Variants in THADA observed in about 807,000 individuals in gnomAD.
The protein encoded by THADA is THADA armadillo repeat containing, also known as tRNA (32-2'-O)-methyltransferase regulator THADA.
A neutral mutation model predicts 219.8 loss-of-function variants in THADA; 213 were observed. The ratio of observed to expected loss-of-function variants is 0.97; its 90% CI spans 0.87 to 1.09. The LOEUF (loss-of-function observed/expected upper bound fraction) is 1.09, where lower values mean the gene tolerates loss of function less well. THADA is among the 50% of genes least tolerant of loss of function. THADA has a pLI of 0.00. For synonymous variants in THADA, 1,018 were observed against 828.9 expected, an observed-to-expected ratio of 1.23 and a Z score of -3.92; for missense variants, 2,956 against 2,311.3, an observed-to-expected ratio of 1.28 and a Z score of -5.72.
At chr2:43,475,331 A>G (rs1325813424) in intron 26 of THADA, among the ~76,000 whole-genome samples, 1 of 144,936 alleles carries the variant, frequency 6.9e-6, no homozygotes, top group Non-Finnish European at 1.5e-5. Context: ...CGGCGGGAGG[A>G]TGGCTTGAGC....
chr2:43,543,105 A>G (rs1288542026), intron 20 of THADA, among the ~76,000 whole-genome samples: 2 of 145,492 alleles, frequency 1.4e-5, no homozygotes, highest in Non-Finnish European at 3.0e-5. Context: ...ATTCCCACCT[A>G]TGAGTGAGAA....
intron 36 of THADA, among the ~76,000 whole-genome samples, chr2:43,265,369 C>G (rs935787409): frequency 6.6e-6 from 1 of 152,182 alleles, no homozygotes; most frequent in Non-Finnish European, 1.5e-5. Context: ...CAATCAGAGC[C>G]TCAATCACTC....
At chr2:43,274,118 T>C (rs1014484512) in intron 36 of THADA, among the ~76,000 whole-genome samples, 17 of 152,194 alleles carry the variant, frequency 1.1e-4, no homozygotes, top group Admixed American at 2.6e-4. Context: ...GGAGGCTCCT[T>C]TGGTGTCTCC....
At chr2:43,423,590 G>A (rs1419296369) in intron 28 of THADA, among the ~76,000 whole-genome samples, 1 of 151,974 alleles carries the variant, frequency 6.6e-6, no homozygotes, top group Non-Finnish European at 1.5e-5. Flanking sequence ...CTGCCACTAT[G>A]CCCGGCTAAT....
At chr2:43,471,860 T>C (rs1684944515) in intron 26 of THADA, among the ~76,000 whole-genome samples, 2 of 152,202 alleles carry the variant, frequency 1.3e-5, no homozygotes, top group South Asian at 4.1e-4. Flanking sequence ...CAGCACACTG[T>C]ATGCTCCCTA....
intron 14 of THADA, among the ~76,000 whole-genome samples, chr2:43,568,029 G>A (rs1445433620): frequency 1.3e-5 from 2 of 151,992 alleles, no homozygotes; most frequent in Non-Finnish European, 2.9e-5. Context: ...ACTACTGGGG[G>A]TGGGGGGGAG....
chr2:43,511,558 C>G (rs1431067060), intron 22 of THADA, among the ~76,000 whole-genome samples: 2 of 152,188 alleles, frequency 1.3e-5, no homozygotes, highest in Non-Finnish European at 2.9e-5. Flanking sequence ...ACCCAACCCT[C>G]CTACTTAAAT....
chr2:43,565,550 T>C, intron 15 of THADA: 1 of 152,206 alleles, frequency 6.6e-6, no homozygotes, highest in East Asian at 1.9e-4. Flanking sequence ...AAAAACTGAT[T>C]TTCCCCAAAT....
intron 30 of THADA, among the ~76,000 whole-genome samples, chr2:43,333,511 C>A (rs1326522529): frequency 6.6e-6 from 1 of 150,392 alleles, no homozygotes; most frequent in Admixed American, 6.6e-5. Context: ...AAAGGAGGAT[C>A]CTTTTTTTTG....
At chr2:43,447,182 C>T (rs372007907) in intron 26 of THADA, among the ~76,000 whole-genome samples, 1 of 152,038 alleles carries the variant, frequency 6.6e-6, no homozygotes, top group Admixed American at 6.5e-5. Context: ...AAAACCATCA[C>T]CCCCCATGAT....
At chr2:43,534,703 TACCCATTCATCTGTTGTTGGAC>T (rs1372721930) in intron 21 of THADA, among the ~76,000 whole-genome samples, 1 of 152,214 alleles carries the variant, frequency 6.6e-6, no homozygotes, top group East Asian at 1.9e-4. Flanking sequence ...CACATTTCTT[TACCCATTCATCTGTTGTTGGAC>T]ACCCAGGTTG....
rs545082421 is a variant in THADA at position 43,376,515 on chromosome 2, G to A, written c.4227+21456C>T. ...AAACATTCCGTCTCAGTTACTGAAG[G>A]CCACATGTTAAATGAATGAAGCCTA... On this transcript the variant is annotated intron_variant, in intron 29 of 37. Coordinates refer to ENST00000405975, the MANE Select transcript of THADA (RefSeq NM_022065.5). Among the ~76,000 whole-genome samples the A allele has an allele frequency of 5.3e-5, 8 of 152,254 alleles. No individual in the cohort carries two copies. In the South Asian group the frequency reaches 8.3e-4, roughly 16 times the overall value.
chr2:43,514,111 G>A (rs1402643377), intron 22 of THADA, among the ~76,000 whole-genome samples: 1 of 151,058 alleles, frequency 6.6e-6, no homozygotes, highest in Non-Finnish European at 1.5e-5. Context: ...AAGCCGTAGT[G>A]AAATAAGAAC....
chr2:43,540,865 T>C (rs913049029), intron 21 of THADA, among the ~76,000 whole-genome samples: 1 of 152,196 alleles, frequency 6.6e-6, no homozygotes, highest in African/African-American at 2.4e-5. Flanking sequence ...AGCTAAAGTT[T>C]AAGTCTGTGT....
chr2:43,235,929 C>T (rs938751593), intron 36 of THADA, among the ~76,000 whole-genome samples: 1 of 152,046 alleles, frequency 6.6e-6, no homozygotes, highest in Non-Finnish European at 1.5e-5. Flanking sequence ...GCCTCAGCCT[C>T]CCGAGTAGCT....
chr2:43,388,604 C>T (rs1258160158), intron 29 of THADA, among the ~76,000 whole-genome samples: 1 of 152,178 alleles, frequency 6.6e-6, no homozygotes, highest in Non-Finnish European at 1.5e-5. Flanking sequence ...CAAAACAAAA[C>T]AGGTGCAAGG....
At chr2:43,348,555 G>A (rs1667900774) in intron 29 of THADA, among the ~76,000 whole-genome samples, 1 of 152,148 alleles carries the variant, frequency 6.6e-6, no homozygotes, top group Non-Finnish European at 1.5e-5. Flanking sequence ...CTGATTTTGT[G>A]ACATCTCCAC....
chr2:43,510,973 A>C (rs1414110787), intron 22 of THADA, among the ~76,000 whole-genome samples: 2 of 149,948 alleles, frequency 1.3e-5, no homozygotes, highest in African/African-American at 5.0e-5. Flanking sequence ...TCCATCTCAA[A>C]AAAAACTAAA....
intron 20 of THADA, among the ~76,000 whole-genome samples, chr2:43,545,363 T>C (rs1274553367): frequency 2.0e-5 from 3 of 152,010 alleles, no homozygotes; most frequent in Admixed American, 6.6e-5. Flanking sequence ...TGCCTGGCTT[T>C]GGTATCAGGA....
Sources: gnomAD v4.1 joint callset for allele counts (sites outside exome capture counted in the v4.1 genomes callset) on GRCh38, gnomAD v4.1.1 for gene constraint, MANE v1.5 for transcripts, NCBI Gene and HGNC (gene_info 2026-07-23, HGNC 2026-07-21) for gene names.